SLC22A3: variants seen among roughly 807,000 people sequenced by gnomAD.
The protein encoded by SLC22A3 is solute carrier family 22 member 3.
Under a neutral mutation model 59.1 loss-of-function variants are expected in SLC22A3, and 51 were observed. That is an observed-to-expected ratio of 0.86 (90% CI 0.69 to 1.09). SLC22A3 has a LOEUF of 1.09. Among genes scored for constraint, SLC22A3 ranks in the 50% least tolerant of loss-of-function variants. The pLI is 0.00. For synonymous variants in SLC22A3, 325 were observed against 292.0 expected (o/e 1.11, Z -1.15); for missense variants, 711 against 726.3 (o/e 0.98, Z 0.24).
chr6:160,387,318 G>A (rs964973772), intron 1 of SLC22A3, among the ~76,000 whole-genome samples: 1 of 152,300 alleles, frequency 6.6e-6, no homozygotes, highest in Admixed American at 6.5e-5. Context: ...GGAGGCCAAA[G>A]ACAAACTCTT....
In SLC22A3 at chr6:160,451,074, G is replaced by C. The variant is rs779662660; in HGVS notation, c.*18G>C. The C allele has an allele frequency of 1.9e-6, 3 of 1,582,318 alleles. No individual in the cohort carries two copies. The African/African-American group carries it at 4.1e-5, about 21-fold the overall frequency. On this transcript the variant is annotated 3_prime_UTR_variant, in exon 11 of 11. Transcript: ENST00000275300. ...ACCTTTGAGGCCCCCGACAAAGACA[G>C]AAAGAAGGAGCTATCCAGGAGCTGA... is the stretch of plus-strand genomic sequence containing the variant.
intron 1 of SLC22A3, among the ~76,000 whole-genome samples, chr6:160,357,919 T>C (rs1353912372): frequency 1.3e-5 from 2 of 152,236 alleles, no homozygotes; most frequent in Non-Finnish European, 2.9e-5. Context: ...ATTTATCACA[T>C]CTCTTGTCAG....
intron 5 of SLC22A3, among the ~76,000 whole-genome samples, chr6:160,424,463 A>G (rs1018684322): frequency 3.3e-5 from 5 of 152,204 alleles, no homozygotes; most frequent in Non-Finnish European, 7.4e-5. Flanking sequence ...ATACTCAAAA[A>G]GGATGAGTCA....
At chr6:160,355,915 G>A (rs1784824905) in intron 1 of SLC22A3, among the ~76,000 whole-genome samples, 1 of 152,142 alleles carries the variant, frequency 6.6e-6, no homozygotes, top group South Asian at 2.1e-4. Flanking sequence ...TCCTTTATCT[G>A]TCTAGCTGCC....
At chr6:160,427,143 G>C (rs1348631483) in intron 5 of SLC22A3, among the ~76,000 whole-genome samples, 1 of 152,112 alleles carries the variant, frequency 6.6e-6, no homozygotes, top group African/African-American at 2.4e-5. Context: ...AGAAGCAATG[G>C]AAGAGATGCT....
intron 5 of SLC22A3, among the ~76,000 whole-genome samples, chr6:160,435,209 G>C (rs1267142102): frequency 6.6e-6 from 1 of 152,150 alleles, no homozygotes; most frequent in Non-Finnish European, 1.5e-5. Context: ...AGGGAAGCAT[G>C]GATGGTGGAA....
chr6:160,425,699 T>C (rs930538140), intron 5 of SLC22A3, among the ~76,000 whole-genome samples: 1 of 152,212 alleles, frequency 6.6e-6, no homozygotes, highest in East Asian at 1.9e-4. Context: ...TTAATTTTGA[T>C]TGATGTACAC....
chr6:160,367,575 G>C (rs889145842), intron 1 of SLC22A3, among the ~76,000 whole-genome samples: 5 of 152,198 alleles, frequency 3.3e-5, no homozygotes, highest in Admixed American at 6.5e-5. Context: ...GAAGGTAACT[G>C]AAACTTCCTC....
chr6:160,353,970 C>T (rs1784745347), intron 1 of SLC22A3, among the ~76,000 whole-genome samples: 1 of 152,140 alleles, frequency 6.6e-6, no homozygotes, highest in Non-Finnish European at 1.5e-5. Context: ...TGTTTATTTT[C>T]AGAGAGCTTT....
chr6:160,430,734 T>G (rs376563), intron 5 of SLC22A3, among the ~76,000 whole-genome samples: 1 of 152,036 alleles, frequency 6.6e-6, no homozygotes, highest in African/African-American at 2.4e-5. Context: ...AACAAGCCTC[T>G]GAACAGATAG....
chr6:160,396,062 C>T (rs1202955165), intron 1 of SLC22A3, among the ~76,000 whole-genome samples: 2 of 152,198 alleles, frequency 1.3e-5, no homozygotes, highest in Admixed American at 1.3e-4. Context: ...AGATCCTCAA[C>T]CTACATTCGT....
At position 160,430,764 on chromosome 6, in the gene SLC22A3, C is replaced by G. The variant is rs1465446781; in HGVS notation, c.976-6016C>G. ...AGATAGTGTTACCCGGAACATCACC[C>G]TTTTCTCCCTTTGCTTCAAATCAAA... On this transcript the variant is annotated intron_variant, in intron 5 of 10. Coordinates refer to ENST00000275300, the MANE Select transcript of SLC22A3 (RefSeq NM_021977.4). Among the ~76,000 whole-genome samples, 10 of 152,332 alleles carry G rather than the reference C, an allele frequency of 6.6e-5. No homozygotes were observed. The East Asian group carries it at 1.9e-3, about 29-fold the overall frequency.
At chr6:160,405,165 G>A (rs1325919903) in intron 2 of SLC22A3, among the ~76,000 whole-genome samples, 1 of 151,910 alleles carries the variant, frequency 6.6e-6, no homozygotes, top group Admixed American at 6.6e-5. Flanking sequence ...ATTTGATAAA[G>A]AACTGTTATC....
chr6:160,358,467 C>T (rs1272884914), intron 1 of SLC22A3, among the ~76,000 whole-genome samples: 1 of 152,136 alleles, frequency 6.6e-6, no homozygotes, highest in East Asian at 1.9e-4. Context: ...TTAGGCAGGG[C>T]ACCAAGATTC....
At chr6:160,393,906 C>T (rs1786365124) in intron 1 of SLC22A3, among the ~76,000 whole-genome samples, 1 of 152,234 alleles carries the variant, frequency 6.6e-6, no homozygotes, top group South Asian at 2.1e-4. Flanking sequence ...GGAAACCCTT[C>T]AAAAGTTTCT....
At chr6:160,377,188 G>T (rs753276543) in intron 1 of SLC22A3, among the ~76,000 whole-genome samples, 27 of 152,150 alleles carry the variant, frequency 1.8e-4, no homozygotes, top group Non-Finnish European at 3.5e-4. Context: ...CTCTCCAGTT[G>T]AAACAGGGAA....
rs1481833326 is a variant in SLC22A3, at chr6:160,408,935, G to T, written c.857+14G>T. The stretch of plus-strand genomic sequence containing the variant: ...CCTTTATTACTGGTAATGTGGTTTT[G>T]GTTATCATCATATTTATACTGATTC... On this transcript the variant is annotated intron_variant, in intron 4 of 10. Transcript: ENST00000275300. The T allele has an allele frequency of 4.3e-6, 7 of 1,610,026 alleles. No individual in the cohort carries two copies. Among genetic ancestry groups the T allele is most frequent in the Non-Finnish European group, 5.9e-6 (7 of 1,177,798 alleles).
intron 1 of SLC22A3, among the ~76,000 whole-genome samples, chr6:160,363,120 G>T (rs1246854523): frequency 2.0e-5 from 3 of 152,242 alleles, no homozygotes; most frequent in Non-Finnish European, 2.9e-5. Flanking sequence ...AGAAAGAGAG[G>T]GTCTCAGCCT....
chr6:160,424,909 G>T (rs1787891013), intron 5 of SLC22A3, among the ~76,000 whole-genome samples: 1 of 152,192 alleles, frequency 6.6e-6, no homozygotes, highest in South Asian at 2.1e-4. Flanking sequence ...TAGTATGTGT[G>T]TTCCACCAGG....
Sources: allele counts gnomAD v4.1 joint callset (sites outside exome capture counted in the v4.1 genomes callset), GRCh38; gene constraint gnomAD v4.1.1; transcripts MANE v1.5; gene names NCBI Gene and HGNC (gene_info 2026-07-23, HGNC 2026-07-21).